Variants in RGS21 observed in about 807,000 individuals in gnomAD.
RGS21 encodes regulator of G-protein signalling 21.
In RGS21, 19 loss-of-function variants were observed where a neutral mutation model predicts 18.7. That is an observed-to-expected ratio of 1.01 (90% confidence interval 0.71 to 1.49). RGS21 has a LOEUF of 1.49. Among genes scored for constraint, RGS21 ranks in the 40% most tolerant of loss-of-function variants. The probability of loss-of-function intolerance (pLI) is 0.00; values close to 1 mark genes in which losing one functional copy is unlikely to be tolerated. For missense variants in RGS21, 194 were observed against 176.8 expected (o/e 1.10, Z -0.55); for synonymous variants, 56 against 57.8 (o/e 0.97, Z 0.14).
chr1:192,344,551 G>A (rs1016779039), intron 2 of RGS21, among the ~76,000 whole-genome samples: 2 of 152,044 alleles, frequency 1.3e-5, no homozygotes, highest in Non-Finnish European at 2.9e-5. Context: ...GTGCATTTTA[G>A]TGCTATTATA....
At chr1:192,338,594 A>C (rs1054413887) in intron 1 of RGS21, among the ~76,000 whole-genome samples, 1 of 151,954 alleles carries the variant, frequency 6.6e-6, no homozygotes, top group Non-Finnish European at 1.5e-5. Flanking sequence ...ATTGCTCCTC[A>C]TTCTCCTTAA....
At chr1:192,326,252 T>C (rs1356945572) in intron 1 of RGS21, among the ~76,000 whole-genome samples, 1 of 152,076 alleles carries the variant, frequency 6.6e-6, no homozygotes, top group Non-Finnish European at 1.5e-5. Context: ...TATTTTAAAA[T>C]ACATTAAGCC....
At chr1:192,341,475 T>C (rs939083946) in intron 1 of RGS21, among the ~76,000 whole-genome samples, 27 of 152,096 alleles carry the variant, frequency 1.8e-4, no homozygotes, top group African/African-American at 6.0e-4. Flanking sequence ...TTGAATGCTA[T>C]AAAGCATCAT....
intron 3 of RGS21, among the ~76,000 whole-genome samples, chr1:192,350,353 C>T (rs895965075): frequency 6.6e-6 from 1 of 152,204 alleles, no homozygotes; most frequent in African/African-American, 2.4e-5. Context: ...ATAAACTTCA[C>T]TTTTGCATTC....
chr1:192,334,373 C>T (rs1408720319), intron 1 of RGS21, among the ~76,000 whole-genome samples: 1 of 152,090 alleles, frequency 6.6e-6, no homozygotes, highest in Non-Finnish European at 1.5e-5. Context: ...GTATTTTCTA[C>T]TAACATTCTT....
chr1:192,346,663 A>T (rs1658947491), intron 2 of RGS21, among the ~76,000 whole-genome samples: 1 of 152,120 alleles, frequency 6.6e-6, no homozygotes, highest in Admixed American at 6.6e-5. Context: ...TCTTCAGAAG[A>T]CTTAAGTCTA....
chr1:192,353,089 T>G (rs1312865251), intron 4 of RGS21, among the ~76,000 whole-genome samples: 3 of 151,996 alleles, frequency 2.0e-5, no homozygotes, highest in African/African-American at 7.2e-5. Flanking sequence ...GCTGACATCT[T>G]TATAAGTGAC....
chr1:192,323,034 T>C (rs948591532), intron 1 of RGS21, among the ~76,000 whole-genome samples: 1 of 152,146 alleles, frequency 6.6e-6, no homozygotes. Context: ...GCAACTTGTC[T>C]GTAAGACTAA....
At chr1:192,363,639 G>C (rs1213093062) in intron 4 of RGS21, among the ~76,000 whole-genome samples, 1 of 152,050 alleles carries the variant, frequency 6.6e-6, no homozygotes, top group African/African-American at 2.4e-5. Context: ...AAACCTTTCA[G>C]TATCTTTCTA....
chr1:192,343,415 G>A lies in RGS21; in HGVS notation c.11+368G>A, dbSNP rs1303064874. 2.6e-5 allele frequency among the ~76,000 whole-genome samples: 4 copies of A among 152,080 alleles called. No homozygotes were observed. In the East Asian group the frequency reaches 7.7e-4, roughly 29 times the overall value. Reference sequence around the variant, plus strand: ...ACATGGATATTAAATGCTGGGTAAGGAAGCAGCTGTCACTTCCTGGAGCAC... The same window carrying A: ...ACATGGATATTAAATGCTGGGTAAGAAAGCAGCTGTCACTTCCTGGAGCAC... On this transcript the variant is annotated intron_variant, in intron 2 of 4. Transcript: ENST00000417209.
intron 1 of RGS21, among the ~76,000 whole-genome samples, chr1:192,317,592 G>A (rs1392930838): frequency 1.3e-5 from 2 of 151,892 alleles, no homozygotes; most frequent in African/African-American, 4.8e-5. Context: ...TAAAGAAAAT[G>A]TGAGAAAGAT....
chr1:192,339,454 G>A (rs1658823942), intron 1 of RGS21, among the ~76,000 whole-genome samples: 1 of 151,902 alleles, frequency 6.6e-6, no homozygotes. Flanking sequence ...GAAAGTTAAG[G>A]AAACCATATC....
chr1:192,324,237 A>G (rs1416499), intron 1 of RGS21, among the ~76,000 whole-genome samples: 73,256 of 151,886 alleles, frequency 0.48, 18,774 homozygotes, highest in African/African-American at 0.64. Flanking sequence ...TGGTTGAAAC[A>G]AAGTTAGTAA....
chr1:192,339,682 C>A (rs1046860051), intron 1 of RGS21, among the ~76,000 whole-genome samples: 1 of 151,966 alleles, frequency 6.6e-6, no homozygotes, highest in Admixed American at 6.6e-5. Flanking sequence ...CTTGTTCTCT[C>A]GTGTTTGGAC....
At chr1:192,351,599 A>T (rs1006753983) in intron 3 of RGS21, among the ~76,000 whole-genome samples, 1 of 151,336 alleles carries the variant, frequency 6.6e-6, no homozygotes, top group Non-Finnish European at 1.5e-5. Context: ...AAATACAGAA[A>T]GAAAAAAGTA....
At chr1:192,365,815 A>G in intron 4 of RGS21, 106 bp from the exon 5 acceptor site, 2 of 624,056 alleles carry the variant, frequency 3.2e-6, no homozygotes, top group South Asian at 4.2e-5. Flanking sequence ...GCTGTTTTGC[A>G]TCAGATTTGC....
At chr1:192,336,640 T>C (rs1300603252) in intron 1 of RGS21, among the ~76,000 whole-genome samples, 3 of 152,044 alleles carry the variant, frequency 2.0e-5, no homozygotes, top group African/African-American at 7.2e-5. Flanking sequence ...CCATTTAACC[T>C]GTCAAAAAAA....
At chr1:192,358,712 G>A (rs933803010) in intron 4 of RGS21, among the ~76,000 whole-genome samples, 3 of 152,056 alleles carry the variant, frequency 2.0e-5, no homozygotes, top group African/African-American at 7.2e-5. Flanking sequence ...TTCAAATTAT[G>A]TAAAAATACA....
At chr1:192,349,606 C>T (rs1659007065) in intron 3 of RGS21, among the ~76,000 whole-genome samples, 1 of 152,126 alleles carries the variant, frequency 6.6e-6, no homozygotes, top group South Asian at 2.1e-4. Context: ...AATCATTTGG[C>T]ATCTTTTGAA....
Sources: gnomAD v4.1 joint callset for allele counts (sites outside exome capture counted in the v4.1 genomes callset) on GRCh38, gnomAD v4.1.1 for gene constraint, MANE v1.5 for transcripts, NCBI Gene and HGNC (gene_info 2026-07-23, HGNC 2026-07-21) for gene names.